SLC35D4: variants seen among roughly 807,000 people sequenced by gnomAD.
SLC35D4 encodes the protein solute carrier family 35 member D4, also known as UDP-N-acetylglucosamine transporter SLC35D4.
chr18:23,371,522 G>T, the SLC35D4 span: 1 of 1,447,158 alleles, frequency 6.9e-7, no homozygotes, highest in South Asian at 1.3e-5. Flanking sequence ...CAAGGCAAAT[G>T]GAATCCAGTG....
the SLC35D4 span, among the ~76,000 whole-genome samples, chr18:23,278,788 T>C: frequency 1.3e-5 from 2 of 152,028 alleles, no homozygotes; most frequent in Non-Finnish European, 2.9e-5. Context: ...AAAGGATCGC[T>C]TGAGCTCAGG....
At chr18:23,251,308 G>T in the SLC35D4 span, among the ~76,000 whole-genome samples, 2 of 152,124 alleles carry the variant, frequency 1.3e-5, no homozygotes, top group Non-Finnish European at 2.9e-5. Flanking sequence ...AAAATTAGCT[G>T]GGCAAGGTGG....
the SLC35D4 span, among the ~76,000 whole-genome samples, chr18:23,414,534 G>T: frequency 6.6e-6 from 1 of 151,950 alleles, no homozygotes; most frequent in Non-Finnish European, 1.5e-5. Context: ...TAAGCCAGGT[G>T]TGGTGGTGCC....
the SLC35D4 span, among the ~76,000 whole-genome samples, chr18:23,324,407 A>T: frequency 6.6e-6 from 1 of 152,218 alleles, no homozygotes; most frequent in Admixed American, 6.5e-5. Context: ...AGAGTTTAAA[A>T]AATGAAAGTT....
At chr18:23,246,577 G>A in the SLC35D4 span, among the ~76,000 whole-genome samples, 2 of 151,862 alleles carry the variant, frequency 1.3e-5, no homozygotes, top group African/African-American at 2.4e-5. Flanking sequence ...GTTTTTAGTA[G>A]AGATGGGGTT....
chr18:23,437,853 C>T, the SLC35D4 span: 2 of 1,612,438 alleles, frequency 1.2e-6, no homozygotes, highest in Non-Finnish European at 1.7e-6. Context: ...TCACGCACAT[C>T]TGTCAACTCG....
the SLC35D4 span, among the ~76,000 whole-genome samples, chr18:23,317,182 C>CA: frequency 3.5e-5 from 5 of 144,274 alleles, no homozygotes; most frequent in African/African-American, 1.0e-4. Flanking sequence ...CACACACACA[C>CA]CCCACTAATA....
chr18:23,392,439 C>T, the SLC35D4 span, among the ~76,000 whole-genome samples: 1 of 152,178 alleles, frequency 6.6e-6, no homozygotes, highest in Non-Finnish European at 1.5e-5. Context: ...TCTTACTATT[C>T]TGCCATTAGA....
the SLC35D4 span, among the ~76,000 whole-genome samples, chr18:23,242,435 C>CG: frequency 6.6e-6 from 1 of 152,148 alleles, no homozygotes; most frequent in African/African-American, 2.4e-5. Flanking sequence ...CAGGGGAGGG[C>CG]GGATGCTTCC....
At chr18:23,264,965 T>A in the SLC35D4 span, among the ~76,000 whole-genome samples, 1 of 152,120 alleles carries the variant, frequency 6.6e-6, no homozygotes, top group Admixed American at 6.5e-5. Flanking sequence ...AATAACCAGA[T>A]CTCGTGAGGA....
the SLC35D4 span, chr18:23,253,916 G>A: frequency 3.7e-6 from 6 of 1,614,034 alleles, no homozygotes; most frequent in East Asian, 6.7e-5. Context: ...CAAAAAACAC[G>A]AAGTCAAGCA....
At chr18:23,257,257 C>G in the SLC35D4 span, 1 of 1,611,540 alleles carries the variant, frequency 6.2e-7, no homozygotes. Context: ...GCTGAACAGG[C>G]GAGAACTGAT....
the SLC35D4 span, among the ~76,000 whole-genome samples, chr18:23,308,228 G>A: frequency 3.9e-5 from 6 of 152,170 alleles, no homozygotes; most frequent in African/African-American, 9.7e-5. Context: ...CATCCGGGCC[G>A]AAGTGACAGG....
the SLC35D4 span, among the ~76,000 whole-genome samples, chr18:23,362,009 C>A: frequency 6.6e-6 from 1 of 152,200 alleles, no homozygotes; most frequent in Admixed American, 6.5e-5. Context: ...CAAAAAGAAA[C>A]TGAAGCCTAT....
At chr18:23,253,870 A>G in the SLC35D4 span, 1 of 1,614,234 alleles carries the variant, frequency 6.2e-7, no homozygotes, top group Non-Finnish European at 8.5e-7. Flanking sequence ...GTGCTGGGGC[A>G]TGTGTGCTGT....
the SLC35D4 span, chr18:23,356,517 A>G: frequency 6.8e-7 from 1 of 1,480,090 alleles, no homozygotes; most frequent in South Asian, 1.1e-5. This position sits in a 1 kb window ranked among gnomAD's most constrained non-coding sequence, Gnocchi z 4.1. Context: ...GGTCACTAGC[A>G]GTGACCCTGA....
At chr18:23,312,224 C>A in the SLC35D4 span, among the ~76,000 whole-genome samples, 1 of 152,186 alleles carries the variant, frequency 6.6e-6, no homozygotes, top group East Asian at 1.9e-4. Flanking sequence ...GGGATTTGTG[C>A]CTCTGCTCCT....
At chr18:23,370,520 C>T in the SLC35D4 span, among the ~76,000 whole-genome samples, 1 of 152,164 alleles carries the variant, frequency 6.6e-6, no homozygotes, top group African/African-American at 2.4e-5. Flanking sequence ...GCATGGAAAG[C>T]ATCATGATTA....
At chr18:23,430,573 A>T in the SLC35D4 span, 1 of 1,406,324 alleles carries the variant, frequency 7.1e-7, no homozygotes, top group Non-Finnish European at 9.9e-7. Flanking sequence ...TATTTCAAAG[A>T]ATGATGGTGG....
Sources: gnomAD v4.1 joint callset for allele counts (sites outside exome capture counted in the v4.1 genomes callset) on GRCh38, gnomAD v4.1.1 for gene constraint, Gnocchi (gnomAD v3.1) non-coding constraint, MANE v1.5 for transcripts, NCBI Gene and HGNC (gene_info 2026-07-23, HGNC 2026-07-21) for gene names.